Variants in DCDC1 observed in about 807,000 individuals in gnomAD.
DCDC1 encodes doublecortin domain containing 1.
Under a neutral mutation model 178.3 loss-of-function variants are expected in DCDC1, and 200 were observed. That is an observed-to-expected ratio of 1.12 (90% CI 1.00 to 1.26). DCDC1 has a LOEUF of 1.26. Ranked by LOEUF, DCDC1 falls within the 50% of genes most tolerant of loss-of-function variation. DCDC1 has a pLI of 0.00. For synonymous variants in DCDC1, 690 were observed against 604.8 expected, an observed-to-expected ratio of 1.14 and a Z score of -2.07; for missense variants, 1,983 against 1,749.2, an observed-to-expected ratio of 1.13 and a Z score of -2.38.
intron 13 of DCDC1, among the ~76,000 whole-genome samples, chr11:31,106,303 A>G (rs1447574202): frequency 1.3e-5 from 2 of 152,218 alleles, no homozygotes; most frequent in African/African-American, 2.4e-5. Context: ...AAAGGTTAAG[A>G]CTTTATTTGT....
At chr11:30,953,359 A>G (rs900069598) in intron 20 of DCDC1, among the ~76,000 whole-genome samples, 1 of 150,198 alleles carries the variant, frequency 6.7e-6, no homozygotes, top group African/African-American at 2.4e-5. Context: ...CTAAAACTCT[A>G]TCATACCAGA....
At chr11:31,034,203 G>A (rs1953867430) in intron 20 of DCDC1, among the ~76,000 whole-genome samples, 1 of 150,292 alleles carries the variant, frequency 6.7e-6, no homozygotes. Context: ...TATAAAGACA[G>A]GAAATATTTC....
chr11:30,994,654 C>A (rs186186717), intron 20 of DCDC1, among the ~76,000 whole-genome samples: 2 of 142,296 alleles, frequency 1.4e-5, no homozygotes, highest in African/African-American at 2.6e-5. Flanking sequence ...TAATATATAA[C>A]ATATTATTAT....
chr11:31,041,370 A>G (rs1211977953), intron 20 of DCDC1, among the ~76,000 whole-genome samples: 1 of 152,208 alleles, frequency 6.6e-6, no homozygotes, highest in Non-Finnish European at 1.5e-5. Flanking sequence ...GGTCCCAAGC[A>G]CTATTTCTAA....
chr11:31,071,118 C>T (rs759495568), intron 18 of DCDC1, among the ~76,000 whole-genome samples: 15 of 152,020 alleles, frequency 9.9e-5, no homozygotes, highest in Admixed American at 1.3e-4. Flanking sequence ...TTATGTACAA[C>T]GTAAATAAAT....
Position 30,897,522 on chromosome 11 carries a change from G to C in DCDC1, c.4765+2019C>G, listed in dbSNP as rs563936268. ...GGCGTGAACCCGGGAGGCGGAGCTT[G>C]CAGTGAGCTGAGATCGCACCGCTGG... On this transcript the variant is annotated intron_variant, in intron 34 of 38. Coordinates refer to ENST00000684477, the MANE Select transcript of DCDC1 (RefSeq NM_001387274.1). Among the ~76,000 whole-genome samples the C allele has an allele frequency of 6.4e-4, 89 of 139,312 alleles. 1 individual carries two copies. Among genetic ancestry groups the C allele is most frequent in the African/African-American group, 2.2e-3 (82 of 37,126 alleles). 91.4% of individuals were successfully genotyped at this position (139,312 alleles called of 152,430 possible).
chr11:31,092,702 C>A (rs1957891739), intron 16 of DCDC1, among the ~76,000 whole-genome samples: 1 of 152,098 alleles, frequency 6.6e-6, no homozygotes, highest in Non-Finnish European at 1.5e-5. Flanking sequence ...GAAACAGATA[C>A]CATGAAATGA....
intron 9 of DCDC1, among the ~76,000 whole-genome samples, chr11:31,212,395 G>A (rs565604754): frequency 6.6e-6 from 1 of 151,856 alleles, no homozygotes; most frequent in Non-Finnish European, 1.5e-5. Context: ...AAATGTATAA[G>A]ACAAAGGACA....
chr11:30,958,269 C>T (rs766710461), intron 20 of DCDC1, among the ~76,000 whole-genome samples: 2 of 152,014 alleles, frequency 1.3e-5, no homozygotes, highest in South Asian at 2.1e-4. Flanking sequence ...GTATAAAGCT[C>T]GTGAATCTTT....
At chr11:30,975,951 T>A (rs181754026) in intron 20 of DCDC1, among the ~76,000 whole-genome samples, 6 of 152,118 alleles carry the variant, frequency 3.9e-5, no homozygotes, top group Admixed American at 2.0e-4. Context: ...GCTACCTGAC[T>A]TCAAAATATA....
chr11:30,943,693 C>A (rs1483356320), intron 21 of DCDC1: 3 of 446,168 alleles, frequency 6.7e-6, no homozygotes, highest in Admixed American at 4.9e-5. Flanking sequence ...CAAAAGAAAC[C>A]AAAAGAATTT....
chr11:31,030,330 A>G (rs1953538291), intron 20 of DCDC1, among the ~76,000 whole-genome samples: 1 of 152,118 alleles, frequency 6.6e-6, no homozygotes, highest in Non-Finnish European at 1.5e-5. Context: ...GTAGACATAA[A>G]TTAAGGGCCC....
intron 20 of DCDC1, among the ~76,000 whole-genome samples, chr11:30,996,123 G>A (rs1044595350): frequency 6.6e-6 from 1 of 152,042 alleles, no homozygotes; most frequent in Admixed American, 6.6e-5. Context: ...ACCCATCACC[G>A]AAAGAAGATA....
chr11:31,210,062 C>T (rs1467644855), intron 9 of DCDC1, among the ~76,000 whole-genome samples: 2 of 152,088 alleles, frequency 1.3e-5, no homozygotes, highest in South Asian at 2.1e-4. Context: ...GGGGGGTATC[C>T]GATAAATCCT....
chr11:30,972,350 A>G (rs1170890704), intron 20 of DCDC1, among the ~76,000 whole-genome samples: 2 of 152,198 alleles, frequency 1.3e-5, no homozygotes, highest in African/African-American at 2.4e-5. Context: ...AAAAACTGTC[A>G]CATGTTATAT....
chr11:30,923,401 C>CTTT (rs10637054), intron 23 of DCDC1, among the ~76,000 whole-genome samples: 4,242 of 130,490 alleles, frequency 0.033, 117 homozygotes, highest in African/African-American at 0.053. Context: ...TCCTCTTCTC[C>CTTT]TTTTTTTTTT....
intron 10 of DCDC1, 121 bp from the exon 11 acceptor site, chr11:31,127,760 A>G (rs1961856231): frequency 1.0e-5 from 6 of 589,366 alleles, no homozygotes; most frequent in Non-Finnish European, 1.5e-5. Flanking sequence ...ATTTGAGTAC[A>G]GATCTATCCT....
intron 17 of DCDC1, among the ~76,000 whole-genome samples, chr11:31,080,931 C>T (rs910225850): frequency 6.6e-6 from 1 of 152,202 alleles, no homozygotes; most frequent in African/African-American, 2.4e-5. Flanking sequence ...CCATACAAAT[C>T]TGTAAAATTC....
intron 3 of DCDC1, among the ~76,000 whole-genome samples, chr11:31,322,310 A>T (rs1372791529): frequency 6.6e-6 from 1 of 152,246 alleles, no homozygotes; most frequent in East Asian, 1.9e-4. Flanking sequence ...AGCTGAAGCC[A>T]AGAGTTATGT....
Sources: gnomAD v4.1 joint callset for allele counts (sites outside exome capture counted in the v4.1 genomes callset) on GRCh38, gnomAD v4.1.1 for gene constraint, MANE v1.5 for transcripts, NCBI Gene and HGNC (gene_info 2026-07-23, HGNC 2026-07-21) for gene names.